Variants in BORCS5 observed in about 807,000 individuals in gnomAD.
BORCS5 encodes BLOC-1 related complex subunit 5, also known as BLOC-1-related complex subunit 5.
Under a neutral mutation model 22.1 loss-of-function variants are expected in BORCS5, and 17 were observed. The ratio of observed to expected loss-of-function variants is 0.77; its 90% CI spans 0.53 to 1.15. The LOEUF (loss-of-function observed/expected upper bound fraction) is 1.15, where lower values mean the gene tolerates loss of function less well. BORCS5 is among the 50% of genes most tolerant of loss of function. The pLI, the probability that BORCS5 is intolerant of heterozygous loss-of-function variation, is 0.00. For missense variants in BORCS5, 247 were observed against 253.2 expected (o/e 0.98, Z 0.17); for synonymous variants, 117 against 99.8 (o/e 1.17, Z -1.03).
chr12:12,448,400 G>C (rs1404686181), intron 3 of BORCS5, among the ~76,000 whole-genome samples: 1 of 152,004 alleles, frequency 6.6e-6, no homozygotes, highest in Non-Finnish European at 1.5e-5. Flanking sequence ...ATTTTTAGTA[G>C]AGATGAGTTT....
At chr12:12,459,214 G>C (rs910035077) in intron 3 of BORCS5, among the ~76,000 whole-genome samples, 1 of 151,956 alleles carries the variant, frequency 6.6e-6, no homozygotes, top group Non-Finnish European at 1.5e-5. Flanking sequence ...ATCTTTTTAA[G>C]AGAAGTTTTT....
intron 2 of BORCS5, among the ~76,000 whole-genome samples, chr12:12,376,347 C>T (rs1013759645): frequency 5.3e-5 from 8 of 151,790 alleles, no homozygotes; most frequent in Admixed American, 4.6e-4. Context: ...CATTCTCCTG[C>T]CTCAGCCTCC....
intron 2 of BORCS5, among the ~76,000 whole-genome samples, chr12:12,389,424 C>T (rs1213809865): frequency 2.6e-5 from 4 of 151,040 alleles, no homozygotes; most frequent in African/African-American, 9.7e-5. Flanking sequence ...AGGTGTGAGC[C>T]ACCACTCCCA....
chr12:12,390,179 A>G (rs1353850699), intron 2 of BORCS5, among the ~76,000 whole-genome samples: 1 of 152,100 alleles, frequency 6.6e-6, no homozygotes, highest in Non-Finnish European at 1.5e-5. Context: ...TTGTTCAGCA[A>G]ATATTTGAGG....
At chr12:12,445,496 C>CTTTTTTTTTTT (rs5796492) in intron 3 of BORCS5, among the ~76,000 whole-genome samples, 1 of 45,770 alleles carries the variant, frequency 2.2e-5, no homozygotes, top group Non-Finnish European at 3.8e-5. Flanking sequence ...ACATGCATTG[C>CTTTTTTTTTTT]TTTTTTTTTT....
Position 12,435,748 on chromosome 12 carries a change from C to G in BORCS5, c.323C>G (p.Ala108Gly). 5 of 1,613,922 alleles carry G rather than the reference C, an allele frequency of 3.1e-6. No individual in the cohort carries two copies. The highest frequency in any genetic ancestry group is 4.2e-6 in the Non-Finnish European group (5 of 1,179,926). Reference protein sequence around the residue: ...DHLHQCAEAVAFDQNALVKRI... With the variant: ...DHLHQCAEAVGFDQNALVKRI... ...CTGCATCAGTGTGCAGAGGCCGTTG[C>G]TTTTGACCAGAATGCTTTGGTTAAA... is the stretch of plus-strand genomic sequence containing the variant. Residue 108 changes from alanine to glycine, a missense_variant, in exon 3 of 4, where the codon GCT (alanine) becomes GGT (glycine). Ala to Gly is a moderately conservative substitution (Grantham distance 60). Transcript: ENST00000314565.
At chr12:12,405,394 T>C (rs1005596749) in intron 2 of BORCS5, among the ~76,000 whole-genome samples, 2 of 152,228 alleles carry the variant, frequency 1.3e-5, no homozygotes, top group African/African-American at 4.8e-5. Context: ...CTGTATTATC[T>C]CCCTCAAGGT....
At chr12:12,366,312 TGCAGAG>T in intron 2 of BORCS5, among the ~76,000 whole-genome samples, 1 of 152,372 alleles carries the variant, frequency 6.6e-6, no homozygotes, top group East Asian at 1.9e-4. Context: ...GTGGGTGATC[TGCAGAG>T]GCAGTGGCTG....
chr12:12,397,210 C>T (rs757771428), intron 2 of BORCS5, among the ~76,000 whole-genome samples: 2 of 152,172 alleles, frequency 1.3e-5, no homozygotes, highest in Non-Finnish European at 2.9e-5. Context: ...CACCTAGACT[C>T]CCAAGCTTTG....
At chr12:12,427,432 G>A (rs760404282) in intron 2 of BORCS5, among the ~76,000 whole-genome samples, 15 of 152,100 alleles carry the variant, frequency 9.9e-5, no homozygotes, top group Admixed American at 2.6e-4. Flanking sequence ...GGCCCGCCTC[G>A]GCCTCCCAAA....
intron 3 of BORCS5, among the ~76,000 whole-genome samples, chr12:12,461,922 A>T (rs1453411011): frequency 6.6e-6 from 1 of 152,244 alleles, no homozygotes; most frequent in Non-Finnish European, 1.5e-5. Context: ...TAGTTTATTC[A>T]TTTAATTTTT....
At chr12:12,364,339 G>A (rs1369576040) in intron 2 of BORCS5, among the ~76,000 whole-genome samples, 3 of 151,948 alleles carry the variant, frequency 2.0e-5, no homozygotes, top group Admixed American at 6.6e-5. Flanking sequence ...TCATGCCACT[G>A]CACTCCAGCC....
chr12:12,371,117 T>C (rs1863518844), intron 2 of BORCS5, among the ~76,000 whole-genome samples: 1 of 152,176 alleles, frequency 6.6e-6, no homozygotes, highest in Non-Finnish European at 1.5e-5. Flanking sequence ...CAATATAATG[T>C]TCCAGACTTA....
At chr12:12,406,248 T>C (rs1202497839) in intron 2 of BORCS5, among the ~76,000 whole-genome samples, 1 of 152,230 alleles carries the variant, frequency 6.6e-6, no homozygotes, top group Non-Finnish European at 1.5e-5. Context: ...TTTCTTTTAA[T>C]TGGATATAAA....
chr12:12,411,221 TCTC>T (rs1484930619), intron 2 of BORCS5, among the ~76,000 whole-genome samples: 2 of 152,200 alleles, frequency 1.3e-5, no homozygotes, highest in Admixed American at 6.5e-5. Context: ...TTGATTTCCT[TCTC>T]CTGCCTGATT....
intron 2 of BORCS5, among the ~76,000 whole-genome samples, chr12:12,370,922 T>C (rs1863513587): frequency 6.6e-6 from 1 of 152,060 alleles, no homozygotes; most frequent in Non-Finnish European, 1.5e-5. Context: ...CTAATTTTTC[T>C]GTATTTTTAG....
chr12:12,399,087 G>A (rs903114833), intron 2 of BORCS5, among the ~76,000 whole-genome samples: 1 of 152,114 alleles, frequency 6.6e-6, no homozygotes, highest in Non-Finnish European at 1.5e-5. Flanking sequence ...GTGTGTTTCA[G>A]GGGGGCTAAA....
chr12:12,370,384 T>C (rs1863499910), intron 2 of BORCS5, among the ~76,000 whole-genome samples: 1 of 152,272 alleles, frequency 6.6e-6, no homozygotes, highest in East Asian at 1.9e-4. Flanking sequence ...TATAAAGTCA[T>C]TTTTTGGTGT....
intron 2 of BORCS5, among the ~76,000 whole-genome samples, chr12:12,378,485 T>G (rs1173734790): frequency 1.3e-5 from 2 of 152,214 alleles, no homozygotes; most frequent in Non-Finnish European, 2.9e-5. Context: ...ATGATTCTTG[T>G]TGATAGTAAT....
Sources: allele counts gnomAD v4.1 joint callset (sites outside exome capture counted in the v4.1 genomes callset), GRCh38; gene constraint gnomAD v4.1.1; transcripts MANE v1.5; gene names NCBI Gene and HGNC (gene_info 2026-07-23, HGNC 2026-07-21).